Variants in SLC22A3 observed in about 807,000 individuals in gnomAD.
SLC22A3 encodes solute carrier family 22 member 3.
A neutral mutation model predicts 59.1 loss-of-function variants in SLC22A3; 51 were observed. That is an observed-to-expected ratio of 0.86 (90% confidence interval 0.69 to 1.09). SLC22A3 has a LOEUF of 1.09. Among genes scored for constraint, SLC22A3 ranks in the 50% least tolerant of loss-of-function variants. The pLI is 0.00. For missense variants in SLC22A3, 711 were observed against 726.3 expected (o/e 0.98, Z 0.24); for synonymous variants, 325 against 292.0 (o/e 1.11, Z -1.15).
intron 5 of SLC22A3, among the ~76,000 whole-genome samples, chr6:160,424,097 T>C (rs370472897): frequency 1.2e-3 from 184 of 152,326 alleles, no homozygotes; most frequent in African/African-American, 3.8e-3. Flanking sequence ...CTGGATGTTC[T>C]TGTTAACACA....
At chr6:160,365,411 C>A (rs1257605628) in intron 1 of SLC22A3, among the ~76,000 whole-genome samples, 1 of 152,308 alleles carries the variant, frequency 6.6e-6, no homozygotes, top group East Asian at 1.9e-4. Context: ...ATGTCAGAAT[C>A]ACATGGAGGG....
chr6:160,429,913 A>C (rs1415037018), intron 5 of SLC22A3, among the ~76,000 whole-genome samples: 2 of 152,020 alleles, frequency 1.3e-5, no homozygotes, highest in Non-Finnish European at 2.9e-5. Flanking sequence ...ATCTGCCTTT[A>C]TGTGTCACAG....
chr6:160,439,661 T>C (rs1334858333), intron 7 of SLC22A3, among the ~76,000 whole-genome samples: 2 of 152,232 alleles, frequency 1.3e-5, no homozygotes, highest in Non-Finnish European at 2.9e-5. Context: ...ATTTTATAGA[T>C]ATAATTTCCT....
At chr6:160,426,334 G>A (rs1440466458) in intron 5 of SLC22A3, 15 of 985,190 alleles carry the variant, frequency 1.5e-5, no homozygotes, top group Non-Finnish European at 1.7e-5. Context: ...TGTGGTTTTG[G>A]TTCTTGTTTT....
chr6:160,433,795 T>C (rs981968763), intron 5 of SLC22A3, among the ~76,000 whole-genome samples: 2 of 152,160 alleles, frequency 1.3e-5, no homozygotes, highest in African/African-American at 4.8e-5. Flanking sequence ...AGGATTTCCC[T>C]TCAACTCTGG....
At chr6:160,427,918 T>A (rs928154426) in intron 5 of SLC22A3, among the ~76,000 whole-genome samples, 1 of 152,212 alleles carries the variant, frequency 6.6e-6, no homozygotes, top group Non-Finnish European at 1.5e-5. Flanking sequence ...ACTGTTGGCA[T>A]AGATGCTGCT....
chr6:160,372,116 T>C (rs994141406), intron 1 of SLC22A3, among the ~76,000 whole-genome samples: 1 of 152,074 alleles, frequency 6.6e-6, no homozygotes, highest in Admixed American at 6.5e-5. Context: ...CTGAATCTCT[T>C]TGTAGGTCTC....
intron 2 of SLC22A3, among the ~76,000 whole-genome samples, chr6:160,399,010 T>A (rs1786640910): frequency 6.6e-6 from 1 of 152,222 alleles, no homozygotes; most frequent in African/African-American, 2.4e-5. Flanking sequence ...ATTAATTAGC[T>A]AATAGAACAA....
At chr6:160,433,634 G>A (rs1216475983) in intron 5 of SLC22A3, among the ~76,000 whole-genome samples, 1 of 152,146 alleles carries the variant, frequency 6.6e-6, no homozygotes, top group Non-Finnish European at 1.5e-5. Context: ...CTTGAGTCGG[G>A]AGGTTGAGGC....
At chr6:160,410,989 T>TACACAC (rs3066964) in intron 5 of SLC22A3, 143 bp downstream of exon 5, 137 of 456,552 alleles carry the variant, frequency 3.0e-4, no homozygotes, top group African/African-American at 2.2e-3. Context: ...TATATATGTA[T>TACACAC]ACACACACAC....
chr6:160,367,579 C>T (rs1007563073), intron 1 of SLC22A3, among the ~76,000 whole-genome samples: 4 of 152,230 alleles, frequency 2.6e-5, no homozygotes, highest in Non-Finnish European at 4.4e-5. Flanking sequence ...GTAACTGAAA[C>T]TTCCTCTGCC....
In SLC22A3 at chr6:160,408,786, T is replaced by C; in HGVS notation, c.722T>C (p.Ile241Thr). The C allele has an allele frequency of 5.0e-6, 8 of 1,613,766 alleles. No homozygotes were observed. The highest frequency in any genetic ancestry group is 5.9e-6 in the Non-Finnish European group (7 of 1,179,794). ...TEIVGSKQRR[I>T]VGIVIQMFFT... ...ATAGTAGGTTCGAAACAAAGGAGGATTGTGGGAATCGTGATTCAAATGTTC... is the reference window on the plus strand; with the variant it reads ...ATAGTAGGTTCGAAACAAAGGAGGACTGTGGGAATCGTGATTCAAATGTTC... The change falls in exon 4 of 11, where the codon ATT becomes ACT. Residue 241 changes from isoleucine to threonine, a missense_variant. Ile to Thr is a moderately conservative substitution (Grantham distance 89). Coordinates refer to ENST00000275300, the MANE Select transcript of SLC22A3 (RefSeq NM_021977.4).
chr6:160,438,711 C>T (rs536221509), intron 7 of SLC22A3, among the ~76,000 whole-genome samples: 2 of 152,238 alleles, frequency 1.3e-5, no homozygotes, highest in African/African-American at 4.8e-5. Context: ...TGAGTGCATT[C>T]GCTTCCCAGG....
chr6:160,392,273 T>C (rs1477613658), intron 1 of SLC22A3, among the ~76,000 whole-genome samples: 3 of 152,230 alleles, frequency 2.0e-5, no homozygotes, highest in African/African-American at 7.2e-5. Flanking sequence ...TTCTTTTTCC[T>C]TTGATTTCTA....
chr6:160,386,152 C>G (rs1786002811), intron 1 of SLC22A3, among the ~76,000 whole-genome samples: 1 of 152,248 alleles, frequency 6.6e-6, no homozygotes, highest in Admixed American at 6.5e-5. Flanking sequence ...CACCTGTGCA[C>G]ATGAAGGAGC....
At chr6:160,392,100 G>T (rs1482381495) in intron 1 of SLC22A3, among the ~76,000 whole-genome samples, 1 of 152,052 alleles carries the variant, frequency 6.6e-6, no homozygotes, top group East Asian at 1.9e-4. Context: ...TCCTGTCTTG[G>T]CCCTGGACCC....
rs1455740820 is a variant in SLC22A3 at position 160,437,049 on chromosome 6, G to A, written c.1126G>A (p.Gly376Arg). 2.5e-6 allele frequency: 4 copies of A among 1,614,128 alleles called. No individual in the cohort carries two copies. In the South Asian group the frequency reaches 4.4e-5, roughly 18 times the overall value. ...ACTTGTCATGCGCCTGGGAATTATA[G>A]GGGGCAACCTCTATATAGACTTTTT... ...QGLVMRLGII[G>R]GNLYIDFFIS... Residue 376 changes from glycine (G) to arginine (R), a missense_variant, in exon 7 of 11, where the codon GGG (glycine) becomes AGG (arginine). Coordinates refer to ENST00000275300, the MANE Select transcript of SLC22A3 (RefSeq NM_021977.4).
At chr6:160,350,950 C>T (rs1167973302) in intron 1 of SLC22A3, among the ~76,000 whole-genome samples, 1 of 152,200 alleles carries the variant, frequency 6.6e-6, no homozygotes, top group African/African-American at 2.4e-5. Context: ...GGATTCAGCC[C>T]GTTACAATGC....
chr6:160,450,732 T>C (rs1312238480), intron 10 of SLC22A3, among the ~76,000 whole-genome samples: 1 of 152,200 alleles, frequency 6.6e-6, no homozygotes, highest in Non-Finnish European at 1.5e-5. Flanking sequence ...AATGTCCATA[T>C]CAAAATGAAA....
Sources: gnomAD v4.1 joint callset for allele counts (sites outside exome capture counted in the v4.1 genomes callset) on GRCh38, gnomAD v4.1.1 for gene constraint, MANE v1.5 for transcripts, NCBI Gene and HGNC (gene_info 2026-07-23, HGNC 2026-07-21) for gene names.